The following SENP5 variants were observed in gnomAD, a reference collection of about 807,000 sequenced individuals.
SENP5 encodes the protein sentrin-specific protease 5.
A neutral mutation model predicts 74.2 loss-of-function variants in SENP5; 21 were observed. The ratio of observed to expected loss-of-function variants is 0.28; its 90% CI spans 0.20 to 0.41. The LOEUF is 0.41. Ranked by LOEUF, SENP5 falls within the 10% of genes least tolerant of loss-of-function variation. The pLI is 1.00. For synonymous variants in SENP5, 311 were observed against 312.7 expected, an observed-to-expected ratio of 0.99 and a Z score of 0.06; for missense variants, 717 against 889.1, an observed-to-expected ratio of 0.81 and a Z score of 2.46.
At chr3:196,894,740 G>C (rs1309925715) in intron 2 of SENP5, among the ~76,000 whole-genome samples, 1 of 151,970 alleles carries the variant, frequency 6.6e-6, no homozygotes, top group Non-Finnish European at 1.5e-5. Flanking sequence ...AGGACCTGGC[G>C]CTCCTTATTC....
intron 2 of SENP5, among the ~76,000 whole-genome samples, chr3:196,898,241 T>G (rs549830473): frequency 3.4e-4 from 52 of 151,752 alleles, no homozygotes; most frequent in African/African-American, 1.1e-3. Flanking sequence ...TTTTCTAGGT[T>G]CAGTGGATCA....
chr3:196,917,966 C>G (rs541704549), intron 6 of SENP5, among the ~76,000 whole-genome samples: 1 of 152,068 alleles, frequency 6.6e-6, no homozygotes, highest in South Asian at 2.1e-4. Flanking sequence ...GACTACAAAG[C>G]CTATCAAAAA....
chr3:196,911,052 T>G (rs1715103048), intron 6 of SENP5, among the ~76,000 whole-genome samples: 1 of 152,148 alleles, frequency 6.6e-6, no homozygotes, highest in Admixed American at 6.5e-5. Flanking sequence ...TCCTTACACC[T>G]TATACAAAAA....
rs1015626487 is a variant in SENP5, at chr3:196,888,014, C to T, written c.1513+1320C>T. ...AACTCCTGAGCTCAGGCAATCTGCCCGCCTCGGCCAGTCTGCCTAAAGTGC... is the reference window on the plus strand; with the variant it reads ...AACTCCTGAGCTCAGGCAATCTGCCTGCCTCGGCCAGTCTGCCTAAAGTGC... On this transcript the variant is annotated intron_variant, in intron 2 of 9. Transcript: ENST00000323460. Among the ~76,000 whole-genome samples the T allele has an allele frequency of 3.9e-5, 6 of 152,120 alleles. No individual in the cohort carries two copies. The South Asian group carries it at 6.2e-4, about 16-fold the overall frequency.
chr3:196,880,343 G>A (rs1304303168), intron 1 of SENP5, among the ~76,000 whole-genome samples: 1 of 152,288 alleles, frequency 6.6e-6, no homozygotes, highest in Admixed American at 6.5e-5. Context: ...CGCCTCCCAC[G>A]TAGGTGGGTC....
At chr3:196,868,536 C>CT (rs1405887014) in intron 1 of SENP5, among the ~76,000 whole-genome samples, 1 of 152,192 alleles carries the variant, frequency 6.6e-6, no homozygotes, top group Non-Finnish European at 1.5e-5. Context: ...TGGGAGACGT[C>CT]TTTTCCCTTC....
intron 8 of SENP5, among the ~76,000 whole-genome samples, chr3:196,928,741 T>G (rs1715910602): frequency 2.0e-5 from 3 of 152,336 alleles, no homozygotes; most frequent in Middle Eastern, 3.4e-3. Flanking sequence ...AAAATTAAGC[T>G]TAAGTTTTGT....
At chr3:196,878,704 G>A (rs556139871) in intron 1 of SENP5, among the ~76,000 whole-genome samples, 2 of 152,196 alleles carry the variant, frequency 1.3e-5, no homozygotes, top group East Asian at 3.9e-4. Flanking sequence ...TGACTCTCCT[G>A]CCTCAGCCTC....
At chr3:196,891,433 T>C (rs75352101) in intron 2 of SENP5, among the ~76,000 whole-genome samples, 20,722 of 152,080 alleles carry the variant, frequency 0.14, 1,703 homozygotes, top group Middle Eastern at 0.21. Context: ...GGGCAAATTT[T>C]GTGGTGTGTG....
intron 7 of SENP5, among the ~76,000 whole-genome samples, chr3:196,925,329 C>A (rs894897990): frequency 3.3e-5 from 5 of 152,160 alleles, no homozygotes; most frequent in Non-Finnish European, 7.4e-5. Flanking sequence ...AAACAAGAAG[C>A]CTCGTGGGCC....
chr3:196,906,339 C>A, intron 6 of SENP5, among the ~76,000 whole-genome samples: 1 of 152,108 alleles, frequency 6.6e-6, no homozygotes, highest in Admixed American at 6.5e-5. Context: ...TATAGTAAAT[C>A]AAGAAATAAA....
chr3:196,929,774 A>T, intron 9 of SENP5, 91 bp downstream of exon 9: 1 of 856,322 alleles, frequency 1.2e-6, no homozygotes. Flanking sequence ...GTATGTGTAT[A>T]TGATGCTAGG....
chr3:196,891,349 G>T (rs1204348973), intron 2 of SENP5, among the ~76,000 whole-genome samples: 4 of 152,186 alleles, frequency 2.6e-5, no homozygotes, highest in Non-Finnish European at 2.9e-5. Context: ...TAATGGAGGT[G>T]TTCTGGAATT....
rs1050522323 is a variant in SENP5 at position 196,932,518 on chromosome 3, T to C, written c.*1595T>C. ...TCTCCTGAGTCCTCCAGACCCAAAA[T>C]CCTTAATGTCAAACCAGGTCAGTGT... On this transcript the variant is annotated 3_prime_UTR_variant, in exon 10 of 10. Transcript: ENST00000323460. 1 of 152,080 alleles carries C rather than the reference T, an allele frequency of 6.6e-6. No homozygotes were observed. Among genetic ancestry groups the C allele is most frequent in the African/African-American group, 2.4e-5 (1 of 41,406 alleles). The allele number at this position is 152,080 out of a possible 1,614,324, so 9.4% of individuals were successfully genotyped here.
chr3:196,906,304 T>C (rs1714901919), intron 6 of SENP5, among the ~76,000 whole-genome samples: 1 of 152,190 alleles, frequency 6.6e-6, no homozygotes, highest in Non-Finnish European at 1.5e-5. Flanking sequence ...AATTTATTAT[T>C]TTACAGTATC....
chr3:196,898,269 G>A (rs935106993), intron 2 of SENP5, among the ~76,000 whole-genome samples: 1 of 151,470 alleles, frequency 6.6e-6, no homozygotes, highest in African/African-American at 2.4e-5. Flanking sequence ...ATATATATAA[G>A]CACATATACA....
intron 2 of SENP5, among the ~76,000 whole-genome samples, chr3:196,891,274 G>A (rs950890586): frequency 3.3e-5 from 5 of 152,088 alleles, no homozygotes; most frequent in Non-Finnish European, 7.3e-5. Flanking sequence ...ATTAATAGTT[G>A]CCAGGAGCTG....
chr3:196,918,264 G>A (rs1289617031), intron 6 of SENP5, among the ~76,000 whole-genome samples: 7 of 149,942 alleles, frequency 4.7e-5, no homozygotes, highest in African/African-American at 1.7e-4. Flanking sequence ...CCCTGATTGT[G>A]CCACTGCACT....
At chr3:196,870,421 C>G (rs567190708) in intron 1 of SENP5, among the ~76,000 whole-genome samples, 1 of 152,280 alleles carries the variant, frequency 6.6e-6, no homozygotes, top group East Asian at 1.9e-4. Flanking sequence ...AATTCCTACT[C>G]TATTATTAGT....
Sources: gnomAD v4.1 joint callset for allele counts (sites outside exome capture counted in the v4.1 genomes callset) on GRCh38, gnomAD v4.1.1 for gene constraint, MANE v1.5 for transcripts, NCBI Gene and HGNC (gene_info 2026-07-23, HGNC 2026-07-21) for gene names.